DGKB: variants seen among roughly 807,000 people sequenced by gnomAD.
DGKB encodes the protein 90 kDa diacylglycerol kinase.
Under a neutral mutation model 114.3 loss-of-function variants are expected in DGKB, and 67 were observed. The ratio of observed to expected loss-of-function variants is 0.59; its 90% CI spans 0.48 to 0.72. The LOEUF (loss-of-function observed/expected upper bound fraction) is 0.72. DGKB is among the 30% of genes least tolerant of loss of function. The pLI is 0.00. For synonymous variants in DGKB, 398 were observed against 323.1 expected (o/e 1.23, Z -2.49); for missense variants, 907 against 975.2 (o/e 0.93, Z 0.93).
At chr7:14,398,721 T>C (rs773521304) in intron 21 of DGKB, among the ~76,000 whole-genome samples, 2 of 151,798 alleles carry the variant, frequency 1.3e-5, no homozygotes, top group Non-Finnish European at 2.9e-5. Flanking sequence ...GAGTGAACAG[T>C]TGTTGGCATT....
chr7:14,485,957 T>A (rs1336010899), intron 20 of DGKB, among the ~76,000 whole-genome samples: 1 of 152,088 alleles, frequency 6.6e-6, no homozygotes, highest in Non-Finnish European at 1.5e-5. Flanking sequence ...AGGTTCCAAG[T>A]GAATTATTTA....
intron 17 of DGKB, among the ~76,000 whole-genome samples, chr7:14,602,638 A>G (rs1454864729): frequency 6.6e-6 from 1 of 152,178 alleles, no homozygotes; most frequent in African/African-American, 2.4e-5. Flanking sequence ...GCAAGAAGAC[A>G]CCACCTTGGA....
chr7:14,454,270 T>C (rs552426339), intron 21 of DGKB, among the ~76,000 whole-genome samples: 44 of 152,274 alleles, frequency 2.9e-4, no homozygotes, highest in African/African-American at 1.0e-3. Flanking sequence ...TTTGTACCCA[T>C]TGATCCACTT....
At chr7:14,806,707 T>G in intron 2 of DGKB, among the ~76,000 whole-genome samples, 1 of 152,040 alleles carries the variant, frequency 6.6e-6, no homozygotes, top group East Asian at 1.9e-4. Context: ...TGAATATCTG[T>G]TATATTTGCC....
At chr7:14,425,380 A>G (rs1310667213) in intron 21 of DGKB, among the ~76,000 whole-genome samples, 1 of 152,122 alleles carries the variant, frequency 6.6e-6, no homozygotes, top group Non-Finnish European at 1.5e-5. Context: ...GATCAACTGA[A>G]CCATATAGTT....
chr7:14,431,803 T>A (rs900502961), intron 21 of DGKB, among the ~76,000 whole-genome samples: 27 of 152,156 alleles, frequency 1.8e-4, no homozygotes, highest in African/African-American at 6.5e-4. Flanking sequence ...CATATGAGAT[T>A]TTTCATAAAA....
chr7:14,579,293 A>T (rs1473126218), intron 19 of DGKB, among the ~76,000 whole-genome samples: 2 of 152,200 alleles, frequency 1.3e-5, no homozygotes, highest in African/African-American at 4.8e-5. Flanking sequence ...ATTCATCACT[A>T]ATAGATTCTT....
chr7:14,444,666 A>AT (rs1296156859), intron 21 of DGKB, among the ~76,000 whole-genome samples: 1 of 151,896 alleles, frequency 6.6e-6, no homozygotes, highest in Non-Finnish European at 1.5e-5. Context: ...TCAGTCAGAC[A>AT]TTTTTATCCT....
intron 20 of DGKB, among the ~76,000 whole-genome samples, chr7:14,498,719 A>T (rs1178639554): frequency 6.6e-6 from 1 of 151,768 alleles, no homozygotes; most frequent in Non-Finnish European, 1.5e-5. Context: ...AGGAAAAGAG[A>T]ATCCAACTAA....
At chr7:14,200,493 C>T in intron 23 of DGKB, among the ~76,000 whole-genome samples, 1 of 152,152 alleles carries the variant, frequency 6.6e-6, no homozygotes, top group South Asian at 2.1e-4. Context: ...CTAATTGTCT[C>T]TTTTTGTTTC....
intron 16 of DGKB, among the ~76,000 whole-genome samples, chr7:14,607,993 C>T (rs938442938): frequency 2.6e-5 from 4 of 151,872 alleles, no homozygotes; most frequent in African/African-American, 9.7e-5. Flanking sequence ...TACATGTAAG[C>T]AAAGAATGTA....
chr7:14,177,810 G>T (rs1379015501), intron 24 of DGKB, among the ~76,000 whole-genome samples: 1 of 152,038 alleles, frequency 6.6e-6, no homozygotes, highest in African/African-American at 2.4e-5. Flanking sequence ...GTCCATGGTA[G>T]TCAACAAGAG....
At chr7:14,686,404 A>T (rs1012034381) in intron 9 of DGKB, among the ~76,000 whole-genome samples, 22 of 152,308 alleles carry the variant, frequency 1.4e-4, no homozygotes, top group African/African-American at 5.1e-4. Context: ...TAGTCTAATC[A>T]TCAAATTATA....
chr7:14,694,684 G>A (rs545019189), intron 8 of DGKB, among the ~76,000 whole-genome samples: 2 of 152,020 alleles, frequency 1.3e-5, no homozygotes, highest in African/African-American at 2.4e-5. Flanking sequence ...ATTAAACTTC[G>A]TTTCTAAAGA....
intron 23 of DGKB, among the ~76,000 whole-genome samples, chr7:14,263,272 T>C (rs550098584): frequency 1.4e-4 from 21 of 152,192 alleles, no homozygotes; most frequent in Non-Finnish European, 2.5e-4. Context: ...TTTCATTGTA[T>C]TGTCTTACAG....
intron 21 of DGKB, among the ~76,000 whole-genome samples, chr7:14,348,078 T>C (rs10258375): frequency 0.089 from 13,518 of 151,900 alleles, 2,017 homozygotes; most frequent in African/African-American, 0.31. Context: ...AATGCTGACA[T>C]TGATACAGTT....
intron 16 of DGKB, among the ~76,000 whole-genome samples, chr7:14,611,280 C>T (rs770592751): frequency 6.6e-6 from 1 of 152,062 alleles, no homozygotes; most frequent in Admixed American, 6.6e-5. Flanking sequence ...CCTCTCTGCA[C>T]GACTGTGTAT....
chr7:14,227,876 G>C (rs1404330046), intron 23 of DGKB, among the ~76,000 whole-genome samples: 1 of 151,962 alleles, frequency 6.6e-6, no homozygotes, highest in East Asian at 1.9e-4. Flanking sequence ...TCTATGTTCA[G>C]AATTCTGAAT....
chr7:14,742,819 A>G (rs2128415338), intron 4 of DGKB, among the ~76,000 whole-genome samples: 1 of 152,330 alleles, frequency 6.6e-6, no homozygotes, highest in East Asian at 1.9e-4. Context: ...GAAGAGTAAA[A>G]TGTGTTTTCA....
Sources: allele counts gnomAD v4.1 joint callset (sites outside exome capture counted in the v4.1 genomes callset), GRCh38; gene constraint gnomAD v4.1.1; transcripts MANE v1.5; gene names NCBI Gene and HGNC (gene_info 2026-07-23, HGNC 2026-07-21).